Variants in GRM3 observed in about 807,000 individuals in gnomAD.
GRM3 encodes metabotropic glutamate receptor 3.
GRM3 carries 26 observed loss-of-function variants against 70.5 expected under a neutral mutation model. The ratio of observed to expected loss-of-function variants is 0.37; its 90% CI spans 0.27 to 0.51. The LOEUF (loss-of-function observed/expected upper bound fraction) is 0.51. Among genes scored for constraint, GRM3 ranks in the 20% least tolerant of loss-of-function variants. The pLI, the probability that GRM3 is intolerant of heterozygous loss-of-function variation, is 0.93. For synonymous variants in GRM3, 443 were observed against 434.9 expected (o/e 1.02, Z -0.23); for missense variants, 859 against 1,123.8 (o/e 0.76, Z 3.37).
At chr7:86,822,611 G>C (rs142120547) in intron 3 of GRM3, among the ~76,000 whole-genome samples, 52 of 152,294 alleles carry the variant, frequency 3.4e-4, no homozygotes, top group African/African-American at 1.2e-3. Context: ...CAAAGGGATA[G>C]AGCGAGAGAT....
At chr7:86,723,270 G>A (rs1366298106) in intron 1 of GRM3, among the ~76,000 whole-genome samples, 1 of 151,984 alleles carries the variant, frequency 6.6e-6, no homozygotes, top group Non-Finnish European at 1.5e-5. Context: ...ATATAATGAT[G>A]ATTAAAAGGA....
intron 1 of GRM3, among the ~76,000 whole-genome samples, chr7:86,672,844 A>C (rs1368619856): frequency 6.6e-6 from 1 of 152,182 alleles, no homozygotes; most frequent in Non-Finnish European, 1.5e-5. Flanking sequence ...CTAAAAATGC[A>C]CAAAAGCATC....
chr7:86,797,186 G>A (rs1797570365), intron 3 of GRM3, among the ~76,000 whole-genome samples: 1 of 152,202 alleles, frequency 6.6e-6, no homozygotes, highest in African/African-American at 2.4e-5. Flanking sequence ...AAGCGACTTT[G>A]GAACTGGGTA....
At chr7:86,754,465 A>G (rs1796299177) in intron 1 of GRM3, among the ~76,000 whole-genome samples, 2 of 152,134 alleles carry the variant, frequency 1.3e-5, no homozygotes, top group Admixed American at 6.6e-5. Flanking sequence ...TAAAGAAAAG[A>G]TGATTCTGGA....
intron 1 of GRM3, among the ~76,000 whole-genome samples, chr7:86,653,234 T>C (rs563704170): frequency 5.6e-4 from 86 of 152,324 alleles, no homozygotes; most frequent in African/African-American, 2.0e-3. Context: ...CAAACTCTGA[T>C]GGCCTTTTGT....
intron 4 of GRM3, among the ~76,000 whole-genome samples, chr7:86,847,966 ATC>A (rs1798687490): frequency 1.3e-5 from 2 of 152,160 alleles, no homozygotes; most frequent in South Asian, 4.1e-4. Flanking sequence ...TCCTTCCATT[ATC>A]TCTTCAGTAT....
chr7:86,702,176 A>G (rs1260222860), intron 1 of GRM3, among the ~76,000 whole-genome samples: 1 of 152,068 alleles, frequency 6.6e-6, no homozygotes, highest in Non-Finnish European at 1.5e-5. Context: ...ACCTGAGTGT[A>G]AGTGTGAGGC....
intron 2 of GRM3, among the ~76,000 whole-genome samples, chr7:86,785,507 T>TC (rs1797205200): frequency 7.6e-6 from 1 of 130,774 alleles, no homozygotes; most frequent in African/African-American, 3.3e-5. Context: ...CAATACCTTT[T>TC]AATTTTTTTT....
intron 3 of GRM3, among the ~76,000 whole-genome samples, chr7:86,837,447 C>T (rs1431980539): frequency 6.6e-6 from 1 of 152,218 alleles, no homozygotes; most frequent in Non-Finnish European, 1.5e-5. Flanking sequence ...GGGTCAGACA[C>T]TGCAGCGTCC....
At chr7:86,819,560 G>A (rs1386103676) in intron 3 of GRM3, among the ~76,000 whole-genome samples, 1 of 152,112 alleles carries the variant, frequency 6.6e-6, no homozygotes, top group Non-Finnish European at 1.5e-5. Flanking sequence ...GAGAGCCCGA[G>A]TTGAAACTAA....
At chr7:86,668,459 T>C (rs936157766) in intron 1 of GRM3, among the ~76,000 whole-genome samples, 1 of 152,090 alleles carries the variant, frequency 6.6e-6, no homozygotes, top group African/African-American at 2.4e-5. Flanking sequence ...ATCCACCCCA[T>C]TGGACTGATT....
intron 1 of GRM3, among the ~76,000 whole-genome samples, chr7:86,689,061 C>T (rs1173042088): frequency 6.7e-6 from 1 of 150,310 alleles, no homozygotes; most frequent in African/African-American, 2.4e-5. Context: ...TTATCCTCAT[C>T]CTGACAGATA....
At chr7:86,831,220 G>A (rs545316413) in intron 3 of GRM3, among the ~76,000 whole-genome samples, 3 of 152,278 alleles carry the variant, frequency 2.0e-5, no homozygotes, top group Middle Eastern at 3.4e-3. Flanking sequence ...TGATAGGGAC[G>A]GGAACAAGGG....
intron 1 of GRM3, among the ~76,000 whole-genome samples, chr7:86,704,477 C>G (rs1562831784): frequency 6.6e-6 from 1 of 151,892 alleles, no homozygotes; most frequent in Non-Finnish European, 1.5e-5. Flanking sequence ...TACTTAATAT[C>G]TTCCTTTGTA....
chr7:86,701,858 A>G (rs1794952622), intron 1 of GRM3, among the ~76,000 whole-genome samples: 1 of 151,934 alleles, frequency 6.6e-6, no homozygotes, highest in Non-Finnish European at 1.5e-5. Context: ...CTCATATTTC[A>G]GAATTTCCCA....
chr7:86,680,338 G>A (rs1025742213), intron 1 of GRM3, among the ~76,000 whole-genome samples: 9 of 152,074 alleles, frequency 5.9e-5, no homozygotes, highest in African/African-American at 1.7e-4. Context: ...ATTAATTTGT[G>A]TTAAAGAACA....
In GRM3 at chr7:86,848,354, G is replaced by A. The variant is rs140131836; in HGVS notation, c.2392-2016G>A. Among the ~76,000 whole-genome samples, 173 of 152,208 alleles carry A rather than the reference G, an allele frequency of 1.1e-3. 1 individual carries two copies. The East Asian group carries it at 0.03, about 26-fold the overall frequency. On this transcript the variant is annotated intron_variant, in intron 4 of 5. Transcript: ENST00000361669. ...CACCAGTTGCTACTTCCCTCTCAGC[G>A]CTGATTAAAGAGTAATAAGGAAGCA...
At chr7:86,687,246 C>A (rs1031715388) in intron 1 of GRM3, among the ~76,000 whole-genome samples, 1 of 151,894 alleles carries the variant, frequency 6.6e-6, no homozygotes, top group Non-Finnish European at 1.5e-5. Context: ...ATTTTATAGA[C>A]ATAAGATCCA....
chr7:86,785,311 T>C (rs1797197349), intron 2 of GRM3, among the ~76,000 whole-genome samples: 1 of 152,222 alleles, frequency 6.6e-6, no homozygotes, highest in Admixed American at 6.5e-5. Flanking sequence ...TATTTGTAAA[T>C]ATATATCTCT....
Sources: gnomAD v4.1 joint callset for allele counts (sites outside exome capture counted in the v4.1 genomes callset) on GRCh38, gnomAD v4.1.1 for gene constraint, MANE v1.5 for transcripts, NCBI Gene and HGNC (gene_info 2026-07-23, HGNC 2026-07-21) for gene names.